Variants in TRHDE observed in about 807,000 individuals in gnomAD.
TRHDE encodes the protein thyrotropin-releasing hormone-degrading ectoenzyme.
Under a neutral mutation model 125.7 loss-of-function variants are expected in TRHDE, and 72 were observed. That is an observed-to-expected ratio of 0.57 (90% CI 0.47 to 0.70). The LOEUF (loss-of-function observed/expected upper bound fraction) is 0.70. Among genes scored for constraint, TRHDE ranks in the 30% least tolerant of loss-of-function variants. The pLI is 0.00. For synonymous variants in TRHDE, 509 were observed against 509.1 expected (o/e 1.00, Z 0.00); for missense variants, 1,110 against 1,327.1 (o/e 0.84, Z 2.54).
intron 3 of TRHDE, among the ~76,000 whole-genome samples, chr12:72,424,527 A>G (rs1276304861): frequency 1.3e-5 from 2 of 152,172 alleles, no homozygotes; most frequent in African/African-American, 4.8e-5. Flanking sequence ...CTCCAGAATT[A>G]TAAGATAATC....
chr12:72,157,509 C>G (rs917779080), intron 2 of TRHDE, among the ~76,000 whole-genome samples: 3 of 152,154 alleles, frequency 2.0e-5, no homozygotes, highest in African/African-American at 7.2e-5. Context: ...GAAACACTGT[C>G]AGGTTCCAAG....
At chr12:72,426,675 A>G (rs1032530429) in intron 3 of TRHDE, among the ~76,000 whole-genome samples, 1 of 151,832 alleles carries the variant, frequency 6.6e-6, no homozygotes, top group African/African-American at 2.4e-5. Context: ...TATGTTAGGT[A>G]GTGTTATAGG....
chr12:72,351,945 A>C (rs1870600083), intron 2 of TRHDE, among the ~76,000 whole-genome samples: 1 of 151,822 alleles, frequency 6.6e-6, no homozygotes, highest in South Asian at 2.1e-4. Context: ...TTACCAGCTT[A>C]ACTCATTCTT....
chr12:72,324,454 C>T (rs765633373), intron 2 of TRHDE, among the ~76,000 whole-genome samples: 3 of 151,920 alleles, frequency 2.0e-5, no homozygotes, highest in African/African-American at 4.8e-5. Context: ...GAGGTAAAAA[C>T]GTCATGAAGG....
At chr12:72,142,949 G>C (rs955636837) in intron 2 of TRHDE, among the ~76,000 whole-genome samples, 8 of 151,596 alleles carry the variant, frequency 5.3e-5, no homozygotes, top group Admixed American at 5.3e-4. Context: ...CCTCAAGCCC[G>C]TGTGTGACCT....
chr12:72,583,219 A>G (rs1018763673), intron 12 of TRHDE, among the ~76,000 whole-genome samples: 38 of 152,220 alleles, frequency 2.5e-4, no homozygotes, highest in African/African-American at 8.7e-4. Context: ...ATTTATTGCA[A>G]ACTACGATTT....
At chr12:72,526,315 A>G (rs1458258323) in intron 6 of TRHDE, among the ~76,000 whole-genome samples, 1 of 152,128 alleles carries the variant, frequency 6.6e-6, no homozygotes, top group Non-Finnish European at 1.5e-5. Flanking sequence ...CACATTTTTC[A>G]GATAATTTAT....
intron 2 of TRHDE, among the ~76,000 whole-genome samples, chr12:72,330,492 G>C (rs964401420): frequency 3.9e-5 from 6 of 152,166 alleles, no homozygotes; most frequent in Admixed American, 1.3e-4. Context: ...CTCTCACGGC[G>C]ATGGGAGAGC....
At chr12:72,448,484 A>C (rs1404379142) in intron 3 of TRHDE, among the ~76,000 whole-genome samples, 1 of 152,098 alleles carries the variant, frequency 6.6e-6, no homozygotes, top group Non-Finnish European at 1.5e-5. Flanking sequence ...AGTGTTAAGC[A>C]GTTAATAAAC....
chr12:72,101,208 G>C (rs893820625), intron 1 of TRHDE, among the ~76,000 whole-genome samples: 1 of 152,084 alleles, frequency 6.6e-6, no homozygotes, highest in African/African-American at 2.4e-5. Context: ...AGTTCGAAGT[G>C]CATGATTACA....
chr12:72,506,562 T>C (rs1252183386), intron 6 of TRHDE, among the ~76,000 whole-genome samples: 1 of 152,174 alleles, frequency 6.6e-6, no homozygotes, highest in Non-Finnish European at 1.5e-5. Context: ...GACACTTGGG[T>C]ACTTAAGTGA....
intron 12 of TRHDE, among the ~76,000 whole-genome samples, chr12:72,614,010 C>T (rs571898766): frequency 1.6e-4 from 24 of 151,928 alleles, no homozygotes; most frequent in African/African-American, 4.8e-4. Flanking sequence ...ACATATCACC[C>T]GGCAAAAGTA....
intron 5 of TRHDE, 76 bp downstream of exon 5, chr12:72,473,256 G>C: frequency 7.2e-6 from 8 of 1,110,830 alleles, no homozygotes; most frequent in Non-Finnish European, 1.1e-5. Flanking sequence ...ACCATCCTTA[G>C]AGATGACTAA....
In TRHDE at chr12:72,633,218, A is replaced by G. The variant is rs182347327; in HGVS notation, c.2675+11467A>G. Reference sequence around the variant, plus strand: ...ACTTTAAAGAGTAATCTTTTGATAGATTTAGGCTGTTAAGAGTTAAGATCC... The same window carrying G: ...ACTTTAAAGAGTAATCTTTTGATAGGTTTAGGCTGTTAAGAGTTAAGATCC... On this transcript the variant is annotated intron_variant, in intron 15 of 18. Transcript: ENST00000261180. 2.2e-3 allele frequency among the ~76,000 whole-genome samples: 338 copies of G among 152,126 alleles called. 3 individuals carry two copies. The highest frequency in any genetic ancestry group is 0.01 in the Middle Eastern group (3 of 294).
intron 12 of TRHDE, among the ~76,000 whole-genome samples, chr12:72,617,512 C>A (rs11179284): frequency 3.2e-4 from 48 of 152,150 alleles, no homozygotes; most frequent in Non-Finnish European, 5.7e-4. Context: ...ATACAAAGGT[C>A]CATCTAATTT....
chr12:72,114,999 G>A (rs1403308), intron 2 of TRHDE, among the ~76,000 whole-genome samples: 122,970 of 151,946 alleles, frequency 0.81, 50,010 homozygotes, highest in Non-Finnish European at 0.85. Context: ...TTAATGGGGT[G>A]TATGAGATAT....
intron 2 of TRHDE, among the ~76,000 whole-genome samples, chr12:72,128,274 G>C (rs952811373): frequency 2.0e-5 from 3 of 152,106 alleles, no homozygotes; most frequent in African/African-American, 7.2e-5. Flanking sequence ...TCAGTGTTTA[G>C]CCATAACTTA....
At chr12:72,621,851 G>A (rs1873066223) in intron 15 of TRHDE, 100 bp downstream of exon 15, 7 of 917,938 alleles carry the variant, frequency 7.6e-6, no homozygotes, top group African/African-American at 3.5e-5. Flanking sequence ...AACAAGATAA[G>A]GAAAAACAAA....
At chr12:72,377,304 C>CTTTTTTTTTTTTTTTTTT (rs200021223) in intron 2 of TRHDE, among the ~76,000 whole-genome samples, 7 of 130,412 alleles carry the variant, frequency 5.4e-5, no homozygotes, top group African/African-American at 2.0e-4. Context: ...TTGCTTTAGG[C>CTTTTTTTTTTTTTTTTTT]TTTTTTTTTT....
Sources: allele counts gnomAD v4.1 joint callset (sites outside exome capture counted in the v4.1 genomes callset), GRCh38; gene constraint gnomAD v4.1.1; transcripts MANE v1.5; gene names NCBI Gene and HGNC (gene_info 2026-07-23, HGNC 2026-07-21).